The following KL variants were observed in gnomAD, a reference collection of about 807,000 sequenced individuals.
KL encodes alpha-klotho.
Under a neutral mutation model 84.2 loss-of-function variants are expected in KL, and 62 were observed. The ratio of observed to expected loss-of-function variants is 0.74; its 90% confidence interval spans 0.60 to 0.91. The LOEUF is 0.91. Ranked by LOEUF, KL falls within the 40% of genes least tolerant of loss-of-function variation. The probability of loss-of-function intolerance (pLI) is 0.00; values close to 1 mark genes in which losing one functional copy is unlikely to be tolerated. For synonymous variants in KL, 528 were observed against 528.0 expected (o/e 1.00, Z 0.00); for missense variants, 1,261 against 1,305.7 (o/e 0.97, Z 0.53).
At chr13:33,028,839 G>A (rs959670482) in intron 1 of KL, among the ~76,000 whole-genome samples, 1 of 152,158 alleles carries the variant, frequency 6.6e-6, no homozygotes, top group African/African-American at 2.4e-5. Context: ...ACCAAATGTC[G>A]GTTAAACCCA....
At position 33,064,094 on chromosome 13, in the gene KL, C is replaced by T; in HGVS notation, c.2947C>T (p.Leu983=). ...TTTTTTTCACACCCGAAAGTCTTTACTGGCTTTCATAGCTTTTCTATTTTT... is the reference window on the plus strand; with the variant it reads ...TTTTTTTCACACCCGAAAGTCTTTATTGGCTTTCATAGCTTTTCTATTTTT... ...CSFFHTRKSL[L]AFIAFLFFAS... Residue 983 remains leucine, a synonymous_variant, in exon 5 of 5, where the codon CTG becomes TTG. Coordinates refer to ENST00000380099, the MANE Select transcript of KL (RefSeq NM_004795.4). 6.2e-7 allele frequency: 1 copy of T among 1,613,978 alleles called. No individual in the cohort carries two copies. Among genetic ancestry groups the T allele is most frequent in the Non-Finnish European group, 8.5e-7 (1 of 1,179,834 alleles).
chr13:33,019,105 C>CG lies in KL; in HGVS notation c.819+1846_819+1847insG, dbSNP rs1870478246. Reference sequence around the variant, plus strand: ...GGAAATTAGTAACAGGTGAATGCTCCATTTGCTGATGTTGCAAACAAACTG... The same window carrying CG: ...GGAAATTAGTAACAGGTGAATGCTCCGATTTGCTGATGTTGCAAACAAACTG... On this transcript the variant is annotated intron_variant, in intron 1 of 4. Transcript: ENST00000380099. Among the ~76,000 whole-genome samples, 4 of 9,688 alleles carry CG rather than the reference C, an allele frequency of 4.1e-4. No homozygotes were observed. In the Non-Finnish European group the frequency reaches 0.028, roughly 68 times the overall value. The allele number at this position is 9,688 out of a possible 152,430, so 6.4% of individuals were successfully genotyped here.
At position 33,041,889 on chromosome 13, in the gene KL, C is replaced by T. The variant is rs576638825; in HGVS notation, c.820-11878C>T. 7.9e-5 allele frequency among the ~76,000 whole-genome samples: 12 copies of T among 152,266 alleles called. No individual in the cohort carries two copies. The South Asian group carries it at 1.5e-3, about 18-fold the overall frequency. On this transcript the variant is annotated intron_variant, in intron 1 of 4. Coordinates refer to ENST00000380099, the MANE Select transcript of KL (RefSeq NM_004795.4). The stretch of plus-strand genomic sequence containing the variant: ...AAGACTTGCCTGTCTAAACTGCCTT[C>T]CCATCCCAATCCCTGTTACCTTCTA...
intron 1 of KL, among the ~76,000 whole-genome samples, chr13:33,043,334 C>G (rs1871405145): frequency 6.6e-6 from 1 of 151,762 alleles, no homozygotes; most frequent in South Asian, 2.1e-4. Flanking sequence ...ATTTTCATGC[C>G]TCAGCATCCC....
rs35287139 is a variant in KL, at chr13:33,062,672, CA to C, written c.2701+914del. On this transcript the variant is annotated intron_variant, in intron 4 of 4. Transcript: ENST00000380099. ...TGGGTGACAGAGCAAGACTCCATCTCAAAAAAAAAAAAAAAAAAAAAAGGAT... is the reference window on the plus strand; with the variant it reads ...TGGGTGACAGAGCAAGACTCCATCTCAAAAAAAAAAAAAAAAAAAAAGGAT... Among the ~76,000 whole-genome samples, 157 of 68,102 alleles carry C rather than the reference CA, an allele frequency of 2.3e-3. 4 individuals carry two copies. Among genetic ancestry groups the C allele is most frequent in the African/African-American group, 8.8e-3 (147 of 16,620 alleles). The allele number at this position is 68,102 out of a possible 152,430, so 44.7% of individuals were successfully genotyped here.
At chr13:33,026,560 G>A (rs779205894) in intron 1 of KL, among the ~76,000 whole-genome samples, 2 of 152,126 alleles carry the variant, frequency 1.3e-5, no homozygotes, top group African/African-American at 4.8e-5. Flanking sequence ...ACTGTACAAG[G>A]GGTCATCACT....
intron 1 of KL, among the ~76,000 whole-genome samples, chr13:33,034,218 A>G (rs1435507387): frequency 6.6e-5 from 10 of 152,188 alleles, no homozygotes; most frequent in Admixed American, 5.2e-4. Flanking sequence ...AAATTTTCCT[A>G]GACTTGGAAA....
In KL at chr13:33,016,570, C is replaced by T. The variant is rs1277641602; in HGVS notation, c.130C>T (p.Arg44Cys). The change falls in exon 1 of 5, where the codon CGT becomes TGT. Residue 44 changes from arginine to cysteine, a missense_variant. Transcript: ENST00000380099. ...GGGCGACGGCGCGCAGACCTGGGCC[C>T]GTTTCTCGCGGCCTCCTGCCCCCGA... ...EPGDGAQTWARFSRPPAPEAA... is the reference protein window; with the variant it reads ...EPGDGAQTWACFSRPPAPEAA... 6.1e-6 allele frequency: 9 copies of T among 1,479,104 alleles called. No homozygotes were observed. In the African/African-American group the frequency reaches 7.2e-5, roughly 12 times the overall value. 91.6% of individuals were successfully genotyped at this position (1,479,104 alleles called of 1,614,324 possible).
intron 3 of KL, among the ~76,000 whole-genome samples, chr13:33,057,472 CT>C (rs1019910299): frequency 5.3e-5 from 8 of 152,112 alleles, no homozygotes; most frequent in Non-Finnish European, 7.4e-5. Flanking sequence ...GAGATAATTC[CT>C]TTTCCTACTA....
At chr13:33,026,139 T>C (rs516306) in intron 1 of KL, among the ~76,000 whole-genome samples, 47,987 of 152,012 alleles carry the variant, frequency 0.32, 8,799 homozygotes, top group Admixed American at 0.44. Context: ...GATTACTGTA[T>C]AGTTCATGGG....
At chr13:33,062,962 A>C (rs542938984) in intron 4 of KL, among the ~76,000 whole-genome samples, 2 of 151,946 alleles carry the variant, frequency 1.3e-5, no homozygotes, top group Non-Finnish European at 2.9e-5. Context: ...AGGGGGGGAA[A>C]ATGAAGTAAC....
chr13:33,056,741 G>A (rs1030885435), intron 3 of KL, among the ~76,000 whole-genome samples: 1 of 152,048 alleles, frequency 6.6e-6, no homozygotes, highest in East Asian at 1.9e-4. Flanking sequence ...AGGAGGCGGA[G>A]CTTGCAGTGA....
intron 1 of KL, among the ~76,000 whole-genome samples, chr13:33,039,014 A>G (rs1871242722): frequency 6.6e-6 from 1 of 152,216 alleles, no homozygotes; most frequent in Admixed American, 6.5e-5. Flanking sequence ...CCTACTCAAT[A>G]GAGACTATAA....
intron 1 of KL, among the ~76,000 whole-genome samples, chr13:33,021,065 G>T (rs549799300): frequency 1.3e-5 from 2 of 152,134 alleles, no homozygotes; most frequent in Non-Finnish European, 2.9e-5. Flanking sequence ...TTCGCTATCT[G>T]GGGTAATCCT....
chr13:33,061,304 C>T lies in KL; in HGVS notation c.2225C>T (p.Ser742Phe), dbSNP rs776409454. The change falls in exon 4 of 5, where the codon TCC becomes TTC. Residue 742 changes from serine to phenylalanine, a missense_variant. Ser to Phe is a radical substitution (Grantham distance 155, BLOSUM62 -2). Transcript: ENST00000380099. Reference protein sequence around the residue: ...ADWIEPACPFSQKDKEVAERV... With the variant: ...ADWIEPACPFFQKDKEVAERV... ...TGGATAGAACCTGCCTGCCCTTTCT[C>T]CCAAAAGGACAAAGAGGTGGCTGAG... is the stretch of plus-strand genomic sequence containing the variant. 2 of 1,614,182 alleles carry T rather than the reference C, an allele frequency of 1.2e-6. No homozygotes were observed. Among genetic ancestry groups the T allele is most frequent in the East Asian group, 2.2e-5 (1 of 44,884 alleles).
chr13:33,019,732 TGAGA>T lies in KL; in HGVS notation c.819+2495_819+2498del, dbSNP rs59216104. Among the ~76,000 whole-genome samples, 754 of 133,450 alleles carry T rather than the reference TGAGA, an allele frequency of 5.7e-3. 10 individuals are homozygous for T. Among genetic ancestry groups the T allele is most frequent in the African/African-American group, 0.02 (696 of 33,998 alleles). 87.5% of individuals were successfully genotyped at this position (133,450 alleles called of 152,430 possible). A position where few individuals can be genotyped will look rare whatever the true frequency, so the allele number is the denominator to read the frequency against. On this transcript the variant is annotated intron_variant, in intron 1 of 4. Coordinates refer to ENST00000380099, the MANE Select transcript of KL (RefSeq NM_004795.4). ...TGGTGTGTGTGTGTGTGTGTGTGTG[TGAGA>T]GAGAGAGAGAGAGAGAGAGAGGAGA... is the stretch of plus-strand genomic sequence containing the variant.
intron 1 of KL, among the ~76,000 whole-genome samples, chr13:33,043,446 C>T (rs1268417457): frequency 6.6e-6 from 1 of 152,168 alleles, no homozygotes; most frequent in African/African-American, 2.4e-5. Context: ...TCTCGAACTC[C>T]TGGCTTCAAG....
intron 3 of KL, among the ~76,000 whole-genome samples, chr13:33,056,894 G>T (rs1049236125): frequency 6.6e-6 from 1 of 152,122 alleles, no homozygotes; most frequent in Non-Finnish European, 1.5e-5. Context: ...CCTGCTCGGT[G>T]TGCAATTTTC....
chr13:33,051,850 C>T (rs967759982), intron 1 of KL, among the ~76,000 whole-genome samples: 1 of 152,156 alleles, frequency 6.6e-6, no homozygotes, highest in African/African-American at 2.4e-5. Context: ...GCCTCAAATG[C>T]GGTCAAATTA....
Sources: gnomAD v4.1 joint callset for allele counts (sites outside exome capture counted in the v4.1 genomes callset) on GRCh38, gnomAD v4.1.1 for gene constraint, MANE v1.5 for transcripts, NCBI Gene and HGNC (gene_info 2026-07-23, HGNC 2026-07-21) for gene names.